The following CATSPER1 variants were observed in gnomAD, a reference collection of about 807,000 sequenced individuals.
CATSPER1 encodes cation channel sperm associated 1, also known as cation channel sperm-associated protein 1.
CATSPER1 carries 57 observed loss-of-function variants against 72.7 expected under a neutral mutation model. That is an observed-to-expected ratio of 0.78 (90% CI 0.63 to 0.98). The LOEUF (loss-of-function observed/expected upper bound fraction) is 0.98. CATSPER1 is among the 50% of genes least tolerant of loss of function. The probability of loss-of-function intolerance (pLI) is 0.00; values close to 1 mark genes in which losing one functional copy is unlikely to be tolerated. For synonymous variants in CATSPER1, 363 were observed against 403.0 expected, an observed-to-expected ratio of 0.90 and a Z score of 1.19; for missense variants, 910 against 1,033.9, an observed-to-expected ratio of 0.88 and a Z score of 1.64.
Position 66,025,646 on chromosome 11 carries a change from T to G in CATSPER1, c.734A>C (p.Glu245Ala). The G allele has an allele frequency of 3.1e-6, 5 of 1,613,526 alleles. No homozygotes were observed. In the South Asian group the frequency reaches 5.5e-5, roughly 18 times the overall value. ...HQHGKSPHHG[E>A]TISPHSSVGS... ...CACAGAGGAATGAGGGGAAATGGTC[T>G]CTCCGTGATGAGGAGACTTTCCATG... is the stretch of plus-strand genomic sequence containing the variant. The change falls in exon 1 of 12, where the codon GAG (glutamate) becomes GCG (alanine). Residue 245 changes from glutamate (E) to alanine (A), a missense_variant. Transcript: ENST00000312106.
At position 66,025,219 on chromosome 11, in the gene CATSPER1, G is replaced by A; in HGVS notation, c.1161C>T (p.Ser387=). 1 of 1,614,208 alleles carries A rather than the reference G, an allele frequency of 6.2e-7. No homozygotes were observed. The highest frequency in any genetic ancestry group is 1.3e-5 in the African/African-American group (1 of 75,052). ...MSKKVHTQDI[S]TKHSEDWGKE... is the part of the protein sequence containing the mutation. The stretch of plus-strand genomic sequence containing the variant: ...TGCCCCAGTCTTCTGAATGTTTGGT[G>A]GAGATATCCTGGGTATGGACTTTTT... Residue 387 remains serine, a synonymous_variant, in exon 1 of 12, where the codon TCC becomes TCT. Coordinates refer to ENST00000312106, the MANE Select transcript of CATSPER1 (RefSeq NM_053054.4).
rs776667661 is a variant in CATSPER1, at chr11:66,020,380, A to C, written c.2001T>G (p.Ile667Met). 7.4e-6 allele frequency: 12 copies of C among 1,613,942 alleles called. No individual in the cohort carries two copies. In the African/African-American group the frequency reaches 1.6e-4, roughly 22 times the overall value. ...IQYFIFLNLV[I>M]TVLVDSFQTA... is the part of the protein sequence containing the mutation. ...TCTGGAAGCTATCCACCAGGACAGT[A>C]ATCACCAGGCTGGGGAGAGGGACAG... Residue 667 changes from isoleucine (I) to methionine (M), a missense_variant, in exon 8 of 12, where the codon ATT (isoleucine) becomes ATG (methionine). Transcript: ENST00000312106. This position sits in a 1 kb window ranked among gnomAD's most constrained non-coding sequence, Gnocchi z 4.5.
chr11:66,021,156 C>T lies in CATSPER1; in HGVS notation c.1721G>A (p.Gly574Glu), dbSNP rs1442571498. 6.2e-7 allele frequency: 1 copy of T among 1,613,190 alleles called. No individual in the cohort carries two copies. Among genetic ancestry groups the T allele is most frequent in the Non-Finnish European group, 8.5e-7 (1 of 1,179,756 alleles). ...SFLTSVQEVT[G>E]TLGQSLPSIA... ...GGACGGCAAGGACTGGCCCAGGGTC[C>T]CTGTCACTTCCTGGACGCTGGTCAG... The change falls in exon 5 of 12, where the codon GGG becomes GAG. Residue 574 changes from glycine to glutamate, a missense_variant. Transcript: ENST00000312106.
In CATSPER1 at chr11:66,022,707, A is replaced by G; in HGVS notation, c.1429+142T>C. 7 of 774,250 alleles carry G rather than the reference A, an allele frequency of 9.0e-6. 1 individual carries two copies. In the South Asian group the frequency reaches 9.4e-5, roughly 10 times the overall value. The allele number at this position is 774,250 out of a possible 1,614,324, so 48.0% of individuals were successfully genotyped here. On this transcript the variant is annotated intron_variant, in intron 2 of 11. Coordinates refer to ENST00000312106, the MANE Select transcript of CATSPER1 (RefSeq NM_053054.4). The stretch of plus-strand genomic sequence containing the variant: ...GGGTCTTTCTGAGACGCTCTCTAAT[A>G]CTGGGTAAGGCCATCTACTTCCCAG...
Position 66,026,288 on chromosome 11 carries a change from T to C in CATSPER1, c.92A>G (p.His31Arg), listed in dbSNP as rs144423333. ...RFFRSHSSPP[H>R]HRPGHSRALH... ...AGCTCTGCTGTGGCCTGGCCTGTGGTGTGGGGGTGATGAGTGAGAGCGAAA... is the reference window on the plus strand; with the variant it reads ...AGCTCTGCTGTGGCCTGGCCTGTGGCGTGGGGGTGATGAGTGAGAGCGAAA... Residue 31 changes from histidine to arginine, a missense_variant, in exon 1 of 12, where the codon CAC becomes CGC. By Grantham distance (29) the His-to-Arg change is conservative (BLOSUM62 0). Coordinates refer to ENST00000312106, the MANE Select transcript of CATSPER1 (RefSeq NM_053054.4). 2.1e-5 allele frequency: 34 copies of C among 1,613,942 alleles called. No homozygotes were observed. In the African/African-American group the frequency reaches 3.9e-4, roughly 18 times the overall value.
In CATSPER1 at chr11:66,020,832, A is replaced by G; in HGVS notation, c.1906T>C (p.Tyr636His). ...CTACCCTGGGCACGGCTGTCCATGTAGATGAGGGACCAGTCATCCAGCGTG... is the reference window on the plus strand; with the variant it reads ...CTACCCTGGGCACGGCTGTCCATGTGGATGAGGGACCAGTCATCCAGCGTG... ...LLTLDDWSLIYMDSRAQGAWY... is the reference protein window; with the variant it reads ...LLTLDDWSLIHMDSRAQGAWY... The change falls in exon 6 of 12, where the codon TAC becomes CAC. Residue 636 changes from tyrosine to histidine, a missense_variant. Transcript: ENST00000312106. The surrounding 1 kb of genome is among the most constrained non-coding windows in gnomAD (Gnocchi z 4.5). The G allele has an allele frequency of 6.2e-7, 1 of 1,613,854 alleles. No homozygotes were observed. Among genetic ancestry groups the G allele is most frequent in the Non-Finnish European group, 8.5e-7 (1 of 1,180,020 alleles).
At position 66,021,123 on chromosome 11, in the gene CATSPER1, G is replaced by T. The variant is rs1856359205; in HGVS notation, c.1754C>A (p.Ala585Asp). ...GCAGGTAAACATGAGGATGAGGATG[G>T]CTGCGATGGACGGCAAGGACTGGCC... ...TLGQSLPSIAAILILMFTCLF... is the reference protein window; with the variant it reads ...TLGQSLPSIADILILMFTCLF... Residue 585 changes from alanine (A) to aspartate (D), a missense_variant, in exon 5 of 12, where the codon GCC (alanine) becomes GAC (aspartate). By Grantham distance (126) the Ala-to-Asp change is moderately radical (BLOSUM62 -2). Transcript: ENST00000312106. 6.2e-7 allele frequency: 1 copy of T among 1,613,166 alleles called. No homozygotes were observed. The highest frequency in any genetic ancestry group is 8.5e-7 in the Non-Finnish European group (1 of 1,179,758).
rs747600446 is a variant in CATSPER1 at position 66,020,536 on chromosome 11, G to A, written c.1991+28C>T. ...GAGAGGAGGAAGTGTGGGTGGTGCT[G>A]GGCAGCAGAGCAGGGGTGAGTCCTC... On this transcript the variant is annotated intron_variant, in intron 7 of 11. Transcript: ENST00000312106. This position sits in a 1 kb window ranked among gnomAD's most constrained non-coding sequence, Gnocchi z 4.5. 3.7e-6 allele frequency: 6 copies of A among 1,605,458 alleles called. No homozygotes were observed. The East Asian group carries it at 6.7e-5, about 18-fold the overall frequency.
Position 66,017,107 on chromosome 11 carries a change from G to T in CATSPER1, c.2269C>A (p.Arg757Ser). The T allele has an allele frequency of 6.2e-7, 1 of 1,602,128 alleles. No homozygotes were observed. The highest frequency in any genetic ancestry group is 8.5e-7 in the Non-Finnish European group (1 of 1,172,650). ...ASVEQEQQKF[R>S]SQAAVIDEIV... ...TCATCGATGACGGCTGCCTGGGAGC[G>T]GAACTTCTGCTGCTCCTGCTCCACG... The change falls in exon 11 of 12, where the codon CGC (arginine) becomes AGC (serine). Residue 757 changes from arginine to serine, a missense_variant. Arg to Ser is a moderately radical substitution (Grantham distance 110). Transcript: ENST00000312106.
At chr11:66,022,672 G>C (rs945578988) in intron 2 of CATSPER1, among the ~76,000 whole-genome samples, 177 bp downstream of exon 2, 22 of 152,362 alleles carry the variant, frequency 1.4e-4, no homozygotes, top group African/African-American at 4.8e-4. Flanking sequence ...GTCTCGGGCC[G>C]GCCTCAGCGG....
rs764697397 is a variant in CATSPER1 at position 66,018,907 on chromosome 11, A to T, written c.2126-5T>A. 4.3e-6 allele frequency: 7 copies of T among 1,612,706 alleles called. No homozygotes were observed. The highest frequency in any genetic ancestry group is 2.2e-5 in the South Asian group (2 of 91,032). ...CACTCGCCACCTCTTTGGGCTCTGG[A>T]TGTAGAGAAAGAAGGGTGAGGTCAA... On this transcript the variant is annotated splice_polypyrimidine_tract_variant and splice_region_variant and intron_variant, in intron 9 of 11. Coordinates refer to ENST00000312106, the MANE Select transcript of CATSPER1 (RefSeq NM_053054.4).
chr11:66,025,058 A>C (rs1856466153), intron 1 of CATSPER1, 106 bp downstream of exon 1: 1 of 1,376,216 alleles, frequency 7.3e-7, no homozygotes, highest in Admixed American at 1.7e-5. Context: ...CCTGTGCAGG[A>C]GGGTCGGGCC....
chr11:66,021,330 G>T, intron 4 of CATSPER1, 145 bp from the exon 5 acceptor site: 1 of 1,196,578 alleles, frequency 8.4e-7, no homozygotes. Flanking sequence ...CTGGAAAAAT[G>T]AAGGGGCTGA....
intron 1 of CATSPER1, 73 bp from the exon 2 acceptor site, chr11:66,023,134 G>C (rs1856413445): frequency 7.1e-7 from 1 of 1,402,062 alleles, no homozygotes; most frequent in East Asian, 2.3e-5. Context: ...CCCCAGCCTG[G>C]CTCAGCGTCC....
chr11:66,018,013 AC>A (rs1856274388), intron 10 of CATSPER1, among the ~76,000 whole-genome samples: 1 of 152,102 alleles, frequency 6.6e-6, no homozygotes, highest in South Asian at 2.1e-4. Context: ...AGTCTGGCCA[AC>A]ATGGTGAAAC....
rs567657527 is a variant in CATSPER1, at chr11:66,021,654, G to A, written c.1544-11C>T. 54 of 1,606,970 alleles carry A rather than the reference G, an allele frequency of 3.4e-5. No individual in the cohort carries two copies. In the Admixed American group the frequency reaches 7.2e-4, roughly 21 times the overall value. On this transcript the variant is annotated splice_polypyrimidine_tract_variant and intron_variant, in intron 3 of 11. Transcript: ENST00000312106. ...CCATAATGAAGAAGTCTGAGGGCACGGGGTGCCTGAGCCTGGCGGGCTCCC... is the reference window on the plus strand; with the variant it reads ...CCATAATGAAGAAGTCTGAGGGCACAGGGTGCCTGAGCCTGGCGGGCTCCC...
chr11:66,024,191 C>A (rs1289551078), intron 1 of CATSPER1, among the ~76,000 whole-genome samples: 1 of 151,394 alleles, frequency 6.6e-6, no homozygotes, highest in Non-Finnish European at 1.5e-5. Context: ...GTCTCCAACT[C>A]CTGACCTCAA....
At chr11:66,018,963 C>A in intron 9 of CATSPER1, 61 bp from the exon 10 acceptor site, 1 of 1,407,292 alleles carries the variant, frequency 7.1e-7, no homozygotes, top group South Asian at 1.2e-5. Context: ...GCAGAGGAAC[C>A]CCATGTGTCA....
Position 66,017,181 on chromosome 11 carries a change from G to A in CATSPER1, c.2202-7C>T. ...GAACAGGAGCTCCTGCTGCCTGCGG[G>A]TGGGCGGGGGGGTCGCAGAGACAGG... On this transcript the variant is annotated splice_polypyrimidine_tract_variant and splice_region_variant and intron_variant, in intron 10 of 11. Coordinates refer to ENST00000312106, the MANE Select transcript of CATSPER1 (RefSeq NM_053054.4). 1 of 1,535,556 alleles carries A rather than the reference G, an allele frequency of 6.5e-7. No homozygotes were observed. The highest frequency in any genetic ancestry group is 1.2e-5 in the South Asian group (1 of 86,012).
Sources: gnomAD v4.1 joint callset for allele counts (sites outside exome capture counted in the v4.1 genomes callset) on GRCh38, gnomAD v4.1.1 for gene constraint, Gnocchi (gnomAD v3.1) non-coding constraint, MANE v1.5 for transcripts, NCBI Gene and HGNC (gene_info 2026-07-23, HGNC 2026-07-21) for gene names.